Variants in BIRC6 observed in about 807,000 individuals in gnomAD.
The protein encoded by BIRC6 is dual E2 ubiquitin-conjugating enzyme/E3 ubiquitin-protein ligase BIRC6.
In BIRC6, 98 loss-of-function variants were observed where a neutral mutation model predicts 503.3. That is an observed-to-expected ratio of 0.19 (90% CI 0.17 to 0.23). The LOEUF (loss-of-function observed/expected upper bound fraction) is 0.23, where lower values mean the gene tolerates loss of function less well. Among genes scored for constraint, BIRC6 ranks in the 10% least tolerant of loss-of-function variants. The probability of loss-of-function intolerance (pLI) is 1.00; values close to 1 mark genes in which losing one functional copy is unlikely to be tolerated. For synonymous variants in BIRC6, 2,240 were observed against 2,078.7 expected (o/e 1.08, Z -2.11); for missense variants, 5,360 against 5,806.0 (o/e 0.92, Z 2.50).
Position 32,478,799 on chromosome 2 carries a change from G to T in BIRC6, c.7233G>T (p.Met2411Ile). ...GGGCTCAGTATTCCTTAACTTGCAT[G>T]CTACAAGATATTTTAGCAGGTGTGT... Reference protein sequence around the residue: ...GAWAQYSLTCMLQDILAGELL... With the variant: ...GAWAQYSLTCILQDILAGELL... The change falls in exon 36 of 74, where the codon ATG (methionine) becomes ATT (isoleucine). Residue 2411 changes from methionine to isoleucine, a missense_variant. Coordinates refer to ENST00000421745, the MANE Select transcript of BIRC6 (RefSeq NM_016252.4). The T allele has an allele frequency of 6.2e-7, 1 of 1,612,544 alleles. No individual in the cohort carries two copies. Among genetic ancestry groups the T allele is most frequent in the Non-Finnish European group, 8.5e-7 (1 of 1,179,498 alleles).
intron 16 of BIRC6, among the ~76,000 whole-genome samples, chr2:32,440,751 T>TTATTATTA (rs1553429507): frequency 1.8e-3 from 264 of 147,178 alleles, no homozygotes; most frequent in African/African-American, 6.3e-3. Context: ...TGTTTATTTA[T>TTATTATTA]TTATTATTAT....
At chr2:32,367,355 G>C (rs1310464983) in intron 1 of BIRC6, among the ~76,000 whole-genome samples, 1 of 151,992 alleles carries the variant, frequency 6.6e-6, no homozygotes, top group Non-Finnish European at 1.5e-5. Context: ...CCAGCTATTC[G>C]GGAGGCTGAG....
chr2:32,404,189 C>G (rs1249401651), intron 8 of BIRC6, among the ~76,000 whole-genome samples: 1 of 143,512 alleles, frequency 7.0e-6, no homozygotes, highest in Non-Finnish European at 1.5e-5. Context: ...CTTGGCCTCC[C>G]AGAGTGCTGG....
At chr2:32,409,216 T>C (rs1017689440) in intron 9 of BIRC6, among the ~76,000 whole-genome samples, 1 of 152,196 alleles carries the variant, frequency 6.6e-6, no homozygotes, top group African/African-American at 2.4e-5. Context: ...TGGAGTGCAG[T>C]GGCACGGATC....
intron 65 of BIRC6, among the ~76,000 whole-genome samples, chr2:32,567,417 A>T (rs577204817): frequency 3.9e-5 from 6 of 152,340 alleles, no homozygotes; most frequent in Admixed American, 3.3e-4. Context: ...TTTTGTTGTG[A>T]TGAAAACACT....
intron 29 of BIRC6, 55 bp from the exon 30 acceptor site, chr2:32,469,340 A>T: frequency 7.5e-7 from 1 of 1,324,552 alleles, no homozygotes; most frequent in Non-Finnish European, 1.0e-6. Context: ...TGCGTATTTT[A>T]ATATTATACA....
chr2:32,542,579 C>A (rs1156477484), intron 61 of BIRC6, among the ~76,000 whole-genome samples: 1 of 152,132 alleles, frequency 6.6e-6, no homozygotes, highest in Non-Finnish European at 1.5e-5. Flanking sequence ...TTAGAAAGTT[C>A]TCCTTTTCTT....
chr2:32,480,657 T>C (rs1259809771), intron 37 of BIRC6, among the ~76,000 whole-genome samples: 3 of 87,920 alleles, frequency 3.4e-5, no homozygotes, highest in Non-Finnish European at 6.8e-5. Flanking sequence ...TTTTTTTTTT[T>C]TGAGACGGAG....
chr2:32,385,786 C>T (rs1228816056), intron 3 of BIRC6, among the ~76,000 whole-genome samples: 3 of 152,208 alleles, frequency 2.0e-5, no homozygotes, highest in African/African-American at 4.8e-5. Context: ...TTTCTTGATA[C>T]TTGGATTAGA....
intron 9 of BIRC6, among the ~76,000 whole-genome samples, chr2:32,410,937 T>G: frequency 6.6e-6 from 1 of 152,178 alleles, no homozygotes; most frequent in Non-Finnish European, 1.5e-5. Flanking sequence ...CCTGACCTTG[T>G]GATCCACCCT....
At chr2:32,484,267 T>G (rs2050734853) in intron 39 of BIRC6, among the ~76,000 whole-genome samples, 1 of 58,228 alleles carries the variant, frequency 1.7e-5, no homozygotes, top group African/African-American at 7.3e-5. Context: ...TTTGAAAAAA[T>G]TACTGGCCAG....
chr2:32,467,492 T>G, intron 26 of BIRC6, 33 bp from the exon 27 acceptor site: 5 of 1,551,412 alleles, frequency 3.2e-6, no homozygotes, highest in Middle Eastern at 1.7e-4. Flanking sequence ...AATTGATATA[T>G]TTTTGGTCAA....
rs1035852774 is a variant in BIRC6, at chr2:32,468,070, T to C, written c.5739T>C (p.His1913=). The C allele has an allele frequency of 6.2e-7, 1 of 1,613,832 alleles. No individual in the cohort carries two copies. Among genetic ancestry groups the C allele is most frequent in the African/African-American group, 1.3e-5 (1 of 74,930 alleles). ...CAAACCAGCCAGAAATTGACCAGCATTTAGCAATGATGGTTGCTTTGCAGG... is the reference window on the plus strand; with the variant it reads ...CAAACCAGCCAGAAATTGACCAGCACTTAGCAATGATGGTTGCTTTGCAGG... ...ESANQPEIDQ[H]LAMMVALQED... The change falls in exon 28 of 74, where the codon CAT becomes CAC. Residue 1913 remains histidine, a synonymous_variant. Transcript: ENST00000421745.
At position 32,395,518 on chromosome 2, in the gene BIRC6, C is replaced by T; in HGVS notation, c.959C>T (p.Ser320Leu). ...AQAGFYHQPA[S>L]SGDDRAMCFT... ...TTCTTTATAATTTTGCAGCCTGCCT[C>T]ATCTGGAGATGATAGAGCCATGTGT... Residue 320 changes from serine to leucine, a missense_variant, in exon 6 of 74, where the codon TCA becomes TTA. Transcript: ENST00000421745. The T allele has an allele frequency of 6.2e-7, 1 of 1,608,188 alleles. No homozygotes were observed. Among genetic ancestry groups the T allele is most frequent in the Non-Finnish European group, 8.5e-7 (1 of 1,175,852 alleles).
Position 32,479,573 on chromosome 2 carries a change from A to G in BIRC6, c.7364A>G (p.Gln2455Arg). 1.2e-6 allele frequency: 2 copies of G among 1,609,746 alleles called. No individual in the cohort carries two copies. Among genetic ancestry groups the G allele is most frequent in the South Asian group, 1.1e-5 (1 of 90,090 alleles). Residue 2455 changes from glutamine (Q) to arginine (R), a missense_variant, in exon 37 of 74, where the codon CAG (glutamine) becomes CGG (arginine). Physicochemically the swap from Gln to Arg is conservative, Grantham distance 43. Coordinates refer to ENST00000421745, the MANE Select transcript of BIRC6 (RefSeq NM_016252.4). ...SDDSLQQSSVQLLETIDEPLT... is the reference protein window; with the variant it reads ...SDDSLQQSSVRLLETIDEPLT... ...GACTCCCTTCAACAGTCCTCAGTTC[A>G]GTTGCTGGAAACTATAGATGAACCT...
intron 1 of BIRC6, among the ~76,000 whole-genome samples, chr2:32,376,311 CAT>C (rs1248882796): frequency 6.6e-6 from 1 of 152,000 alleles, no homozygotes; most frequent in Admixed American, 6.6e-5. Context: ...TGGTGGTACT[CAT>C]AACACTTGAA....
chr2:32,548,128 G>A, intron 64 of BIRC6, 114 bp downstream of exon 64: 1 of 912,330 alleles, frequency 1.1e-6, no homozygotes, highest in South Asian at 2.5e-5. Context: ...CCCACTTGTG[G>A]TCCTTCTTCC....
intron 1 of BIRC6, among the ~76,000 whole-genome samples, chr2:32,372,328 A>G (rs1431409110): frequency 1.3e-5 from 2 of 152,042 alleles, no homozygotes; most frequent in Non-Finnish European, 2.9e-5. Flanking sequence ...TTTTGGGACC[A>G]CTGATCTGTT....
intron 3 of BIRC6, among the ~76,000 whole-genome samples, chr2:32,380,645 G>C (rs1021161470): frequency 6.6e-6 from 1 of 152,102 alleles, no homozygotes; most frequent in Non-Finnish European, 1.5e-5. Flanking sequence ...AGAATCACTT[G>C]AACCCAGGAG....
Sources: allele counts gnomAD v4.1 joint callset (sites outside exome capture counted in the v4.1 genomes callset), GRCh38; gene constraint gnomAD v4.1.1; transcripts MANE v1.5; gene names NCBI Gene and HGNC (gene_info 2026-07-23, HGNC 2026-07-21).